Variants in FGF18 observed in about 807,000 individuals in gnomAD.
FGF18 encodes fibroblast growth factor 18.
FGF18 carries 5 observed loss-of-function variants against 23.0 expected under a neutral mutation model. The ratio of observed to expected loss-of-function variants is 0.22; its 90% CI spans 0.11 to 0.46. The LOEUF is 0.46. Among genes scored for constraint, FGF18 ranks in the 20% least tolerant of loss-of-function variants. The pLI, the probability that FGF18 is intolerant of heterozygous loss-of-function variation, is 0.99. For missense variants in FGF18, 180 were observed against 291.6 expected, an observed-to-expected ratio of 0.62 and a Z score of 2.79; for synonymous variants, 117 against 118.9, an observed-to-expected ratio of 0.98 and a Z score of 0.10.
chr5:171,441,353 G>A (rs1772341154), intron 3 of FGF18, among the ~76,000 whole-genome samples: 1 of 152,182 alleles, frequency 6.6e-6, no homozygotes, highest in African/African-American at 2.4e-5. Flanking sequence ...CTGCAGGCCT[G>A]GCGTGCCTGG....
chr5:171,423,773 CT>C (rs61255857), intron 2 of FGF18, among the ~76,000 whole-genome samples: 23,670 of 103,860 alleles, frequency 0.23, 1,956 homozygotes, highest in East Asian at 0.36. Context: ...GTGGATGGCA[CT>C]TTTTTTTTTT....
chr5:171,445,262 T>G (rs1772401670), intron 3 of FGF18, among the ~76,000 whole-genome samples: 1 of 152,124 alleles, frequency 6.6e-6, no homozygotes, highest in Non-Finnish European at 1.5e-5. Context: ...CTGTGTGCCC[T>G]TTGCGGGTCC....
chr5:171,424,390 A>G (rs965185596), intron 2 of FGF18, among the ~76,000 whole-genome samples: 2 of 152,246 alleles, frequency 1.3e-5, no homozygotes, highest in Non-Finnish European at 2.9e-5. Context: ...TGTCCCTTAC[A>G]TTGGGAAGCT....
intron 3 of FGF18, among the ~76,000 whole-genome samples, chr5:171,441,833 G>A (rs545338358): frequency 5.3e-5 from 8 of 152,254 alleles, no homozygotes; most frequent in East Asian, 1.9e-4. Context: ...TCCCCCTGGC[G>A]CATTGAGGCA....
chr5:171,439,650 G>C (rs1772311066), intron 3 of FGF18, among the ~76,000 whole-genome samples: 1 of 152,096 alleles, frequency 6.6e-6, no homozygotes, highest in Non-Finnish European at 1.5e-5. Flanking sequence ...TTCTTTATCT[G>C]CCAAGTGGGG....
intron 3 of FGF18, among the ~76,000 whole-genome samples, chr5:171,443,208 C>T (rs896989055): frequency 2.5e-4 from 38 of 151,808 alleles, no homozygotes; most frequent in African/African-American, 9.2e-4. Context: ...CGGCTCATTG[C>T]AACCTCTGCC....
At chr5:171,430,135 G>T (rs1047204911) in intron 2 of FGF18, among the ~76,000 whole-genome samples, 1 of 151,868 alleles carries the variant, frequency 6.6e-6, no homozygotes, top group Non-Finnish European at 1.5e-5. Context: ...GAGGCGGGTG[G>T]ATCATGAGGT....
chr5:171,453,999 A>G (rs1028993113), intron 4 of FGF18, among the ~76,000 whole-genome samples: 1 of 152,152 alleles, frequency 6.6e-6, no homozygotes, highest in African/African-American at 2.4e-5. Flanking sequence ...GTGCTCAGCA[A>G]CAAGAGAACT....
intron 3 of FGF18, among the ~76,000 whole-genome samples, chr5:171,443,766 T>C (rs1416820464): frequency 2.6e-5 from 4 of 152,136 alleles, no homozygotes; most frequent in Admixed American, 6.5e-5. Context: ...TTTCCCCCTT[T>C]GCTGCTCTCC....
Position 171,449,188 on chromosome 5 carries a change from C to T in FGF18, c.292C>T (p.Arg98Trp), listed in dbSNP as rs1345063781. 1.2e-6 allele frequency: 2 copies of T among 1,614,034 alleles called. No homozygotes were observed. Among genetic ancestry groups the T allele is most frequent in the East Asian group, 2.2e-5 (1 of 44,848 alleles). The change falls in exon 4 of 5, where the codon CGG becomes TGG. Residue 98 changes from arginine (R) to tryptophan (W), a missense_variant. Arg to Trp is a moderately radical substitution (Grantham distance 101, BLOSUM62 -3). Around this residue, in one of 3 missense-constraint regions of FGF18, gnomAD observed 83 missense variants for 190.4 expected, o/e 0.44. Coordinates refer to ENST00000274625, the MANE Select transcript of FGF18 (RefSeq NM_003862.3). ...VETDTFGSQV[R>W]IKGKETEFYL... Reference sequence around the variant, plus strand: ...GACAGACACCTTCGGTAGTCAAGTCCGGATCAAGGGCAAGGAGACGGAATT... The same window carrying T: ...GACAGACACCTTCGGTAGTCAAGTCTGGATCAAGGGCAAGGAGACGGAATT...
At chr5:171,426,306 G>A (rs1224386211) in intron 2 of FGF18, among the ~76,000 whole-genome samples, 1 of 152,166 alleles carries the variant, frequency 6.6e-6, no homozygotes, top group African/African-American at 2.4e-5. Flanking sequence ...CGTCACTGTG[G>A]GAGGGGAGGT....
intron 4 of FGF18, among the ~76,000 whole-genome samples, chr5:171,454,883 G>A (rs920358899): frequency 6.6e-6 from 1 of 152,174 alleles, no homozygotes; most frequent in African/African-American, 2.4e-5. Context: ...CGAGCAATTC[G>A]GCTGTCTCAG....
At chr5:171,435,062 G>T (rs1772226873) in intron 2 of FGF18, among the ~76,000 whole-genome samples, 1 of 152,196 alleles carries the variant, frequency 6.6e-6, no homozygotes, top group Admixed American at 6.5e-5. Context: ...AAGTGCAAAG[G>T]CCCTGGGGCA....
In FGF18 at chr5:171,448,691, T is replaced by C. The variant is rs533993564; in HGVS notation, c.251-456T>C. 8.5e-5 allele frequency among the ~76,000 whole-genome samples: 13 copies of C among 152,240 alleles called. No individual in the cohort carries two copies. The East Asian group carries it at 2.3e-3, about 27-fold the overall frequency. On this transcript the variant is annotated intron_variant, in intron 3 of 4. Transcript: ENST00000274625. ...TTATTTGCATGGCCGCCTGTCCTGC[T>C]TGGGAGAATGGCCTTTTTGTATGGC...
Position 171,451,394 on chromosome 5 carries a change from C to A in FGF18, c.357+2141C>A, listed in dbSNP as rs563766097. ...CCCCCTCGCTCTCTGGCCCCCGAGG[C>A]GGGAATCTGGCTCCTGGGCTGCGGT... On this transcript the variant is annotated intron_variant, in intron 4 of 4. Coordinates refer to ENST00000274625, the MANE Select transcript of FGF18 (RefSeq NM_003862.3). This position sits in a 1 kb window ranked among gnomAD's most constrained non-coding sequence, Gnocchi z 4.5. 1.3e-5 allele frequency among the ~76,000 whole-genome samples: 2 copies of A among 152,330 alleles called. No individual in the cohort carries two copies. The highest frequency in any genetic ancestry group is 4.8e-5 in the African/African-American group (2 of 41,590).
intron 4 of FGF18, among the ~76,000 whole-genome samples, chr5:171,454,635 G>T (rs1772557315): frequency 1.3e-5 from 2 of 152,196 alleles, no homozygotes. Flanking sequence ...GAGGGCCCAA[G>T]CTTGCCCTCT....
intron 3 of FGF18, among the ~76,000 whole-genome samples, chr5:171,445,985 C>T (rs1772413690): frequency 1.3e-5 from 2 of 152,148 alleles, no homozygotes; most frequent in African/African-American, 4.8e-5. Flanking sequence ...TCTCTCTTCT[C>T]CTTCTCCTGT....
Position 171,456,779 on chromosome 5 carries a change from C to A in FGF18, c.598C>A (p.Arg200=). The change falls in exon 5 of 5, where the codon CGG becomes AGG. Residue 200 remains arginine, a synonymous_variant. Coordinates refer to ENST00000274625, the MANE Select transcript of FGF18 (RefSeq NM_003862.3). The surrounding 1 kb of genome is among the most constrained non-coding windows in gnomAD (Gnocchi z 6.1). ...CACGACGGTGACCAAGAGGTCCCGT[C>A]GGATCCGGCCCACACACCCTGCCTA... ...KYTTVTKRSR[R]IRPTHPA is the part of the protein sequence containing the mutation. 1 of 1,613,814 alleles carries A rather than the reference C, an allele frequency of 6.2e-7. No individual in the cohort carries two copies. The highest frequency in any genetic ancestry group is 8.5e-7 in the Non-Finnish European group (1 of 1,179,924).
chr5:171,421,623 A>G (rs1181115960), intron 2 of FGF18, among the ~76,000 whole-genome samples: 1 of 152,162 alleles, frequency 6.6e-6, no homozygotes, highest in African/African-American at 2.4e-5. Flanking sequence ...GCGCGACTCA[A>G]CAGCCACTCG....
Sources: gnomAD v4.1 joint callset for allele counts (sites outside exome capture counted in the v4.1 genomes callset) on GRCh38, gnomAD v4.1.1 for gene constraint, gnomAD v4.1.1 regional missense constraint, Gnocchi (gnomAD v3.1) non-coding constraint, MANE v1.5 for transcripts, NCBI Gene and HGNC (gene_info 2026-07-23, HGNC 2026-07-21) for gene names.